The following MAPK12 variants were observed in gnomAD, a reference collection of about 807,000 sequenced individuals.
The protein encoded by MAPK12 is MAP kinase 12.
In MAPK12, 49 loss-of-function variants were observed where a neutral mutation model predicts 49.1. The ratio of observed to expected loss-of-function variants is 1.00; its 90% CI spans 0.79 to 1.27. The LOEUF (loss-of-function observed/expected upper bound fraction) is 1.27. Ranked by LOEUF, MAPK12 falls within the 50% of genes most tolerant of loss-of-function variation. The pLI, the probability that MAPK12 is intolerant of heterozygous loss-of-function variation, is 0.00. For synonymous variants in MAPK12, 251 were observed against 209.7 expected (o/e 1.20, Z -1.70); for missense variants, 554 against 502.4 (o/e 1.10, Z -0.98).
chr22:50,257,123 G>A lies in MAPK12; in HGVS notation c.385C>T (p.Arg129Trp), dbSNP rs150223264. The change falls in exon 4 of 12, where the codon CGG becomes TGG. Residue 129 changes from arginine (R) to tryptophan (W), a missense_variant. Arg to Trp is a moderately radical substitution (Grantham distance 101). Transcript: ENST00000215659. ...LMKHEKLGED[R>W]IQFLVYQMLK... ...ATCTGGTACACGAGGAACTGGATCC[G>A]GTCCTCGCCTAGCTTCTCATGTTTC... The A allele has an allele frequency of 1.7e-5, 27 of 1,612,664 alleles. No individual in the cohort carries two copies. The East Asian group carries it at 3.1e-4, about 19-fold the overall frequency.
Position 50,253,012 on chromosome 22 carries a change from G to T in MAPK12, c.*389C>A. ...TCCACTGACGTCGCCCAGGAGAGGG[G>T]ATGTCCCTGAGTTGGTGCCCTGCGC... is the stretch of plus-strand genomic sequence containing the variant. On this transcript the variant is annotated 3_prime_UTR_variant, in exon 12 of 12. Coordinates refer to ENST00000215659, the MANE Select transcript of MAPK12 (RefSeq NM_002969.6). The T allele has an allele frequency of 3.3e-6, 1 of 306,298 alleles. No homozygotes were observed. Among genetic ancestry groups the T allele is most frequent in the Non-Finnish European group, 6.3e-6 (1 of 157,776 alleles). 19.0% of individuals were successfully genotyped at this position (306,298 alleles called of 1,614,324 possible). A position where few individuals can be genotyped will look rare whatever the true frequency, so the allele number is the denominator to read the frequency against.
intron 2 of MAPK12, among the ~76,000 whole-genome samples, chr22:50,258,905 GCA>G (rs2065180254): frequency 6.6e-6 from 1 of 152,248 alleles, no homozygotes; most frequent in Non-Finnish European, 1.5e-5. Flanking sequence ...CTGGCAGAGG[GCA>G]CACACAGAGT....
chr22:50,258,996 G>C (rs2065181120), intron 2 of MAPK12, among the ~76,000 whole-genome samples: 1 of 152,236 alleles, frequency 6.6e-6, no homozygotes, highest in African/African-American at 2.4e-5. Flanking sequence ...CCCAGGCCAG[G>C]GAGGGGCTGA....
rs781780584 is a variant in MAPK12, at chr22:50,255,776, C to G, written c.691+34G>C. On this transcript the variant is annotated intron_variant, in intron 8 of 11. Coordinates refer to ENST00000215659, the MANE Select transcript of MAPK12 (RefSeq NM_002969.6). ...CCACCTGGGCAGGAGCCATCCCCAC[C>G]CGCCCCTGGTGCCGCCCTGCGGCTG... 5 of 1,611,722 alleles carry G rather than the reference C, an allele frequency of 3.1e-6. No individual in the cohort carries two copies. The East Asian group carries it at 6.7e-5, about 22-fold the overall frequency.
At chr22:50,258,412 A>G (rs2065175645) in intron 2 of MAPK12, 111 bp from the exon 3 acceptor site, 1 of 916,330 alleles carries the variant, frequency 1.1e-6, no homozygotes, top group Non-Finnish European at 1.8e-6. Flanking sequence ...TGTCATTGTC[A>G]TGCCCCACTG....
chr22:50,254,679 C>T, intron 11 of MAPK12: 1 of 1,031,478 alleles, frequency 9.7e-7, no homozygotes, highest in Non-Finnish European at 1.2e-6. Flanking sequence ...CAAGGAGAGG[C>T]AAGGACAGAT....
In MAPK12 at chr22:50,254,691, C is replaced by T. The variant is rs185862996; in HGVS notation, c.1024+506G>A. 7 of 1,041,864 alleles carry T rather than the reference C, an allele frequency of 6.7e-6. No individual in the cohort carries two copies. The Admixed American group carries it at 2.0e-4, about 30-fold the overall frequency. 64.5% of individuals were successfully genotyped at this position (1,041,864 alleles called of 1,614,324 possible). On this transcript the variant is annotated intron_variant, in intron 11 of 11. Coordinates refer to ENST00000215659, the MANE Select transcript of MAPK12 (RefSeq NM_002969.6). ...GGGCAAGGAGAGGCAAGGACAGATTCAGGAGGTGTGAGCAGAGAGGCCTTA... is the reference window on the plus strand; with the variant it reads ...GGGCAAGGAGAGGCAAGGACAGATTTAGGAGGTGTGAGCAGAGAGGCCTTA...
chr22:50,254,212 G>A (rs551031369), intron 11 of MAPK12: 1 of 152,954 alleles, frequency 6.5e-6, no homozygotes, highest in South Asian at 2.1e-4. Flanking sequence ...CCTCCAAGTT[G>A]AGGGGATAGC....
chr22:50,254,629 G>C, intron 11 of MAPK12: 4 of 1,001,264 alleles, frequency 4.0e-6, no homozygotes, highest in Non-Finnish European at 4.8e-6. Context: ...TCCAGCCTGG[G>C]CATCAGAGTG....
At chr22:50,253,502 G>GGGGGGGGGGGGGGGGGCCCCCCCCCCCC in intron 11 of MAPK12, 22 bp from the exon 12 acceptor site, 1 of 171,670 alleles carries the variant, frequency 5.8e-6, no homozygotes, top group African/African-American at 6.7e-5. Flanking sequence ...GGGGGGGCGG[G>GGGGGGGGGGGGGGGGGCCCCCCCCCCCC]CACAACAGAG....
At chr22:50,258,016 G>A (rs1045617610) in intron 3 of MAPK12, 2 of 733,250 alleles carry the variant, frequency 2.7e-6, no homozygotes, top group South Asian at 1.5e-5. Context: ...CAGGCGTGGA[G>A]AGAGGCAGCA....
At position 50,261,382 on chromosome 22, in the gene MAPK12, C is replaced by T. The variant is rs1315008709; in HGVS notation, c.125+3G>A. The T allele has an allele frequency of 8.4e-6, 10 of 1,191,348 alleles. No individual in the cohort carries two copies. In the South Asian group the frequency reaches 1.4e-4, roughly 16 times the overall value. 73.8% of individuals were successfully genotyped at this position (1,191,348 alleles called of 1,614,324 possible). A position where few individuals can be genotyped will look rare whatever the true frequency, so the allele number is the denominator to read the frequency against. On this transcript the variant is annotated splice_donor_region_variant and intron_variant, in intron 1 of 11. Coordinates refer to ENST00000215659, the MANE Select transcript of MAPK12 (RefSeq NM_002969.6). The stretch of plus-strand genomic sequence containing the variant: ...CCGGCCGCCCCGCCCGGCCCGCGCT[C>T]ACCACACCGCGCCGTAGGCGCCCGA...
rs2147264105 is a variant in MAPK12 at position 50,261,288 on chromosome 22, A to G, written c.134T>C (p.Val45Ala). The G allele has an allele frequency of 2.0e-6, 3 of 1,488,734 alleles. No individual in the cohort carries two copies. Among genetic ancestry groups the G allele is most frequent in the African/African-American group, 2.9e-5 (2 of 68,464 alleles). 92.2% of individuals were successfully genotyped at this position (1,488,734 alleles called of 1,614,324 possible). ...CACCTTAGCGCCGGTGCGGCCGTCCACGGCCGAGCTGCGGGGCGGACCGCT... is the reference window on the plus strand; with the variant it reads ...CACCTTAGCGCCGGTGCGGCCGTCCGCGGCCGAGCTGCGGGGCGGACCGCT... ...SGAYGAVCSA[V>A]DGRTGAKVAI... is the part of the protein sequence containing the mutation. The change falls in exon 2 of 12, where the codon GTG becomes GCG. Residue 45 changes from valine to alanine, a missense_variant. Val to Ala is a moderately conservative substitution (Grantham distance 64). Coordinates refer to ENST00000215659, the MANE Select transcript of MAPK12 (RefSeq NM_002969.6).
Position 50,261,225 on chromosome 22 carries a change from A to G in MAPK12, c.197T>C (p.Leu66Pro), listed in dbSNP as rs781124093. The change falls in exon 2 of 12, where the codon CTG (leucine) becomes CCG (proline). Residue 66 changes from leucine to proline, a missense_variant. Physicochemically the swap from Leu to Pro is moderately conservative, Grantham distance 98 (BLOSUM62 -3). Transcript: ENST00000215659. ...CTCGCGGTAGGCGCGCTTGGCGAAC[A>G]GCTCGGACTGGAAAGGCCGATACAG... ...KKLYRPFQSE[L>P]FAKRAYRELR... 6.3e-7 allele frequency: 1 copy of G among 1,588,818 alleles called. No homozygotes were observed. Among genetic ancestry groups the G allele is most frequent in the Non-Finnish European group, 8.6e-7 (1 of 1,169,064 alleles).
intron 2 of MAPK12, 34 bp downstream of exon 2, chr22:50,261,133 C>T (rs1438125311): frequency 4.5e-6 from 7 of 1,543,954 alleles, no homozygotes; most frequent in Non-Finnish European, 6.1e-6. Flanking sequence ...GCCGAGGCCG[C>T]GGCGCCTTCC....
intron 4 of MAPK12, 26 bp from the exon 5 acceptor site, chr22:50,256,990 G>T: frequency 6.2e-7 from 1 of 1,605,532 alleles, no homozygotes. Context: ...GATTTGGCAG[G>T]CTTCAGCGCA....
rs948468887 is a variant in MAPK12 at position 50,257,317 on chromosome 22, T to G, written c.315-124A>C. On this transcript the variant is annotated intron_variant, in intron 3 of 11. Transcript: ENST00000215659. Reference sequence around the variant, plus strand: ...CAGGCACCCCCAGGAAGGTCACCCCTGCAGCACACATCCACACTGGCCTCG... The same window carrying G: ...CAGGCACCCCCAGGAAGGTCACCCCGGCAGCACACATCCACACTGGCCTCG... 1.6e-5 allele frequency: 11 copies of G among 694,050 alleles called. No individual in the cohort carries two copies. The Admixed American group carries it at 2.3e-4, about 14-fold the overall frequency. 43.0% of individuals were successfully genotyped at this position (694,050 alleles called of 1,614,324 possible).
chr22:50,253,179 G>A lies in MAPK12; in HGVS notation c.*222C>T, dbSNP rs1305748249. ...CTCCAGGGATCAGAGGCCATCCCCA[G>A]GTCGGCCAGAGGTCTTGTCCAGAAA... is the stretch of plus-strand genomic sequence containing the variant. On this transcript the variant is annotated 3_prime_UTR_variant, in exon 12 of 12. Coordinates refer to ENST00000215659, the MANE Select transcript of MAPK12 (RefSeq NM_002969.6). 1.7e-6 allele frequency: 1 copy of A among 583,972 alleles called. No homozygotes were observed. The highest frequency in any genetic ancestry group is 3.1e-6 in the Non-Finnish European group (1 of 322,400). The allele number at this position is 583,972 out of a possible 1,614,324, so 36.2% of individuals were successfully genotyped here.
At chr22:50,260,034 T>G (rs1362789360) in intron 2 of MAPK12, among the ~76,000 whole-genome samples, 30 of 40,342 alleles carry the variant, frequency 7.4e-4, no homozygotes, top group African/African-American at 8.9e-4. Context: ...GGTGGGGGGG[T>G]GCGGTGCCGG....
Sources: allele counts gnomAD v4.1 joint callset (sites outside exome capture counted in the v4.1 genomes callset), GRCh38; gene constraint gnomAD v4.1.1; transcripts MANE v1.5; gene names NCBI Gene and HGNC (gene_info 2026-07-23, HGNC 2026-07-21).